Variants in EBF1 observed in about 807,000 individuals in gnomAD.
The protein encoded by EBF1 is transcription factor COE1.
EBF1 carries 10 observed loss-of-function variants against 68.4 expected under a neutral mutation model. The observed-to-expected ratio is 0.15, with a 90% confidence interval of 0.09 to 0.25. The LOEUF is 0.25. Ranked by LOEUF, EBF1 falls within the 10% of genes least tolerant of loss-of-function variation. EBF1 has a pLI of 1.00. For synonymous variants in EBF1, 298 were observed against 299.8 expected (o/e 0.99, Z 0.06); for missense variants, 509 against 794.4 (o/e 0.64, Z 4.32).
chr5:158,779,801 A>C (rs933912665), intron 9 of EBF1, among the ~76,000 whole-genome samples: 2 of 152,212 alleles, frequency 1.3e-5, no homozygotes, highest in African/African-American at 4.8e-5. Context: ...GGCTTTATAA[A>C]TTGATTAGAT....
At chr5:158,784,227 A>C (rs1776979270) in intron 9 of EBF1, among the ~76,000 whole-genome samples, 1 of 152,220 alleles carries the variant, frequency 6.6e-6, no homozygotes, top group Non-Finnish European at 1.5e-5. Flanking sequence ...AAGTTTCAGG[A>C]AAGTTAAGAA....
intron 10 of EBF1, among the ~76,000 whole-genome samples, chr5:158,739,164 C>A (rs1765788264): frequency 6.6e-6 from 1 of 152,210 alleles, no homozygotes; most frequent in African/African-American, 2.4e-5. Flanking sequence ...ATACATTAAA[C>A]CAATTTATAC....
chr5:158,714,853 C>A (rs1350079917), intron 11 of EBF1, among the ~76,000 whole-genome samples: 1 of 152,044 alleles, frequency 6.6e-6, no homozygotes. Context: ...TGTGTGATTT[C>A]CCCCATTTGC....
At chr5:158,775,093 C>T (rs1306631218) in intron 10 of EBF1, among the ~76,000 whole-genome samples, 4 of 151,970 alleles carry the variant, frequency 2.6e-5, no homozygotes, top group South Asian at 4.1e-4. Flanking sequence ...TGTGCATATG[C>T]GCCAACTTAT....
intron 10 of EBF1, among the ~76,000 whole-genome samples, chr5:158,758,474 T>G (rs1161411653): frequency 6.6e-6 from 1 of 152,202 alleles, no homozygotes; most frequent in Non-Finnish European, 1.5e-5. Flanking sequence ...GACAATCTGT[T>G]TGCCCACAAG....
chr5:158,915,635 G>T (rs1332122836), intron 6 of EBF1, among the ~76,000 whole-genome samples: 1 of 152,174 alleles, frequency 6.6e-6, no homozygotes, highest in African/African-American at 2.4e-5. Context: ...ACAGTAAGGA[G>T]ATCTGTGGCC....
chr5:158,849,315 A>G (rs6871291), intron 6 of EBF1, among the ~76,000 whole-genome samples: 89,146 of 151,906 alleles, frequency 0.59, 26,725 homozygotes, highest in South Asian at 0.79. Context: ...AAGTCACACC[A>G]AGCTACATCC....
chr5:158,834,782 G>A (rs1047273803), intron 7 of EBF1, among the ~76,000 whole-genome samples: 1 of 152,212 alleles, frequency 6.6e-6, no homozygotes, highest in African/African-American at 2.4e-5. Flanking sequence ...GCCCCTGATT[G>A]CTGTTCAGAG....
At chr5:158,916,739 A>G (rs1253135772) in intron 6 of EBF1, among the ~76,000 whole-genome samples, 1 of 152,154 alleles carries the variant, frequency 6.6e-6, no homozygotes, top group African/African-American at 2.4e-5. Context: ...GGCCAAATTT[A>G]ATCATGCTAT....
At chr5:158,773,169 G>A (rs1363849799) in intron 10 of EBF1, among the ~76,000 whole-genome samples, 1 of 132,364 alleles carries the variant, frequency 7.6e-6, no homozygotes, top group Non-Finnish European at 1.6e-5. Flanking sequence ...GAAAATAAGA[G>A]GGATAGGGAG....
rs1756130738 is a variant in EBF1 at position 158,698,654 on chromosome 5, C to CAA, written c.*456_*457insTT. On this transcript the variant is annotated 3_prime_UTR_variant, in exon 16 of 16. Coordinates refer to ENST00000313708, the MANE Select transcript of EBF1 (RefSeq NM_024007.5). ...GTCCCATACAAGCTTTTTTTTTTTT[C>CAA]CTTTTTTTCTTTTTTTTTTTTTTTA... The CAA allele has an allele frequency of 5.4e-6, 1 of 185,610 alleles. No individual in the cohort carries two copies. Among genetic ancestry groups the CAA allele is most frequent in the Non-Finnish European group, 1.1e-5 (1 of 91,398 alleles). The allele number at this position is 185,610 out of a possible 1,614,324, so 11.5% of individuals were successfully genotyped here. A position where few individuals can be genotyped will look rare whatever the true frequency, so the allele number is the denominator to read the frequency against.
intron 6 of EBF1, among the ~76,000 whole-genome samples, chr5:158,981,716 C>T (rs957057299): frequency 7.2e-5 from 11 of 152,120 alleles, no homozygotes; most frequent in African/African-American, 2.2e-4. Context: ...GTTGGTTGTG[C>T]ACATGATATA....
In EBF1 at chr5:159,010,160, G is replaced by A. The variant is rs570124488; in HGVS notation, c.554+63236C>T. On this transcript the variant is annotated intron_variant, in intron 6 of 15. Coordinates refer to ENST00000313708, the MANE Select transcript of EBF1 (RefSeq NM_024007.5). ...AGACAGAAGTTATGCTAAGTCATGG[G>A]CAAATTTTCAATAAGGTATCTGACC... Among the ~76,000 whole-genome samples, 21 of 152,304 alleles carry A rather than the reference G, an allele frequency of 1.4e-4. No individual in the cohort carries two copies. In the South Asian group the frequency reaches 3.9e-3, roughly 29 times the overall value.
intron 11 of EBF1, among the ~76,000 whole-genome samples, chr5:158,715,795 C>A (rs1320197506): frequency 1.3e-5 from 2 of 152,166 alleles, no homozygotes; most frequent in African/African-American, 2.4e-5. Context: ...AGATCAAATT[C>A]AGCCTGTGTT....
chr5:158,967,435 A>C (rs982320642), intron 6 of EBF1, among the ~76,000 whole-genome samples: 16 of 152,168 alleles, frequency 1.1e-4, no homozygotes, highest in Non-Finnish European at 4.4e-5. Flanking sequence ...GTTGTAGGAT[A>C]AAGTTTCTCT....
intron 6 of EBF1, among the ~76,000 whole-genome samples, chr5:158,875,792 A>T (rs1797712348): frequency 6.6e-6 from 1 of 152,228 alleles, no homozygotes; most frequent in Admixed American, 6.5e-5. Context: ...CCTGCCTCCT[A>T]TTTACATATA....
intron 6 of EBF1, among the ~76,000 whole-genome samples, chr5:158,852,920 A>G (rs973505817): frequency 6.6e-6 from 1 of 152,292 alleles, no homozygotes; most frequent in Non-Finnish European, 1.5e-5. Flanking sequence ...TTCTGAAAAA[A>G]GCTTTCATTT....
chr5:158,707,031 G>A (rs1758010086), intron 15 of EBF1, among the ~76,000 whole-genome samples: 1 of 152,214 alleles, frequency 6.6e-6, no homozygotes, highest in Non-Finnish European at 1.5e-5. Context: ...GAATAATAAA[G>A]TATTTAGGAG....
chr5:158,904,794 G>C (rs961525218), intron 6 of EBF1, among the ~76,000 whole-genome samples: 5 of 152,030 alleles, frequency 3.3e-5, no homozygotes, highest in Admixed American at 3.3e-4. Context: ...CATGCTCGCC[G>C]GTCTGCCCCA....
Sources: allele counts gnomAD v4.1 joint callset (sites outside exome capture counted in the v4.1 genomes callset), GRCh38; gene constraint gnomAD v4.1.1; transcripts MANE v1.5; gene names NCBI Gene and HGNC (gene_info 2026-07-23, HGNC 2026-07-21).